The following MYH3 variants were observed in gnomAD, a reference collection of about 807,000 sequenced individuals.
MYH3 encodes the protein myosin heavy chain 3, also known as myosin-3.
MYH3 carries 130 observed loss-of-function variants against 238.0 expected under a neutral mutation model. The ratio of observed to expected loss-of-function variants is 0.55; its 90% CI spans 0.47 to 0.63. The LOEUF (loss-of-function observed/expected upper bound fraction) is 0.63, where lower values mean the gene tolerates loss of function less well. MYH3 is among the 30% of genes least tolerant of loss of function. The probability of loss-of-function intolerance (pLI) is 0.00; values close to 1 mark genes in which losing one functional copy is unlikely to be tolerated. For synonymous variants in MYH3, 880 were observed against 924.1 expected (o/e 0.95, Z 0.86); for missense variants, 1,853 against 2,374.9 (o/e 0.78, Z 4.57).
intron 38 of MYH3, 57 bp from the exon 39 acceptor site, chr17:10,629,994 C>T (rs1338292647): frequency 6.2e-7 from 1 of 1,606,358 alleles, no homozygotes; most frequent in Non-Finnish European, 8.5e-7. Flanking sequence ...TTGCACACGG[C>T]ATGGGCAGCT....
intron 27 of MYH3, 36 bp downstream of exon 27, chr17:10,638,007 T>C (rs1340373368): frequency 2.5e-6 from 4 of 1,614,062 alleles, no homozygotes; most frequent in East Asian, 4.5e-5. Flanking sequence ...GTGTGTCTGA[T>C]GGAAAGCCTT....
At position 10,645,703 on chromosome 17, in the gene MYH3, G is replaced by A. The variant is rs977910901; in HGVS notation, c.1141+4C>T. The A allele has an allele frequency of 6.2e-7, 1 of 1,612,324 alleles. No homozygotes were observed. The highest frequency in any genetic ancestry group is 8.5e-7 in the Non-Finnish European group (1 of 1,179,974). On this transcript the variant is annotated splice_donor_region_variant and intron_variant, in intron 12 of 40. Coordinates refer to ENST00000583535, the MANE Select transcript of MYH3 (RefSeq NM_002470.4). ...TCTGGTTTGCTGTCACACTGATTTT[G>A]TACCTTCTGTGCCATCCGGCTCGGC...
intron 14 of MYH3, 75 bp downstream of exon 14, chr17:10,644,276 T>A: frequency 6.7e-7 from 1 of 1,492,456 alleles, no homozygotes; most frequent in Non-Finnish European, 9.3e-7. Context: ...CATCTTGCTA[T>A]CTTCCCTTTA....
At chr17:10,631,576 G>A (rs1363380053) in intron 36 of MYH3, 35 bp downstream of exon 36, 9 of 1,613,994 alleles carry the variant, frequency 5.6e-6, no homozygotes, top group African/African-American at 1.3e-5. Flanking sequence ...ATGCAATCCC[G>A]GCAGCCCGAG....
chr17:10,653,575 G>A (rs3815012), intron 3 of MYH3, among the ~76,000 whole-genome samples: 86,919 of 151,992 alleles, frequency 0.57, 27,747 homozygotes, highest in Non-Finnish European at 0.73. Flanking sequence ...ACTTCTCTCA[G>A]CAGGACAAAC....
At chr17:10,672,400 T>A in the MYH3 span, 3 of 152,232 alleles carry the variant, frequency 2.0e-5, no homozygotes, top group Admixed American at 6.5e-5. Context: ...TCTTTCCTCC[T>A]TGGTCTTATT....
At chr17:10,658,853 G>C (rs777526890), upstream of MYH3, 3 of 152,370 alleles carry the variant, frequency 2.0e-5, no homozygotes, top group Admixed American at 6.5e-5. Context: ...ATGTCGTAAA[G>C]GGAGTGGTCC....
At chr17:10,651,855 T>C in intron 4 of MYH3, 187 bp from the exon 5 acceptor site, 1 of 762,764 alleles carries the variant, frequency 1.3e-6, no homozygotes, top group Non-Finnish European at 2.0e-6. Context: ...GCAATTCTCC[T>C]GCCTCAGCCT....
Position 10,634,021 on chromosome 17 carries a change from T to C in MYH3, c.4518A>G (p.Leu1506=). 1 of 1,614,008 alleles carries C rather than the reference T, an allele frequency of 6.2e-7. No homozygotes were observed. Residue 1506 remains leucine (L), a synonymous_variant, in exon 32 of 41, where the codon TTA becomes TTG. Transcript: ENST00000583535. ...LETVKRENKN[L]EQEIADLTEQ... ...AGAGGGTTTCGAATAGCTTACGCTCTAAGTTCTTATTTTCCCGTTTCACAG... is the reference window on the plus strand; with the variant it reads ...AGAGGGTTTCGAATAGCTTACGCTCCAAGTTCTTATTTTCCCGTTTCACAG...
the MYH3 span, among the ~76,000 whole-genome samples, chr17:10,666,358 T>C: frequency 6.6e-6 from 1 of 151,994 alleles, no homozygotes; most frequent in Non-Finnish European, 1.5e-5. Context: ...GGTGGGAGAA[T>C]TGCTTGAGCT....
chr17:10,659,473 TTCC>T (rs1329115579), upstream of MYH3, among the ~76,000 whole-genome samples: 2 of 152,192 alleles, frequency 1.3e-5, no homozygotes, highest in Non-Finnish European at 2.9e-5. Context: ...GTCTGGATCA[TTCC>T]TCCTATCTTA....
At position 10,632,106 on chromosome 17, in the gene MYH3, G is replaced by A. The variant is rs933714819; in HGVS notation, c.4957-90C>T. 10 of 1,418,598 alleles carry A rather than the reference G, an allele frequency of 7.0e-6. No individual in the cohort carries two copies. In the African/African-American group the frequency reaches 1.4e-4, roughly 21 times the overall value. 87.9% of individuals were successfully genotyped at this position (1,418,598 alleles called of 1,614,324 possible). ...ATCTCTGAGTTTTGTTTGTTTGTTT[G>A]TTTGTTTTTGTTTTGTTTTGTTTTG... On this transcript the variant is annotated intron_variant, in intron 34 of 40. Coordinates refer to ENST00000583535, the MANE Select transcript of MYH3 (RefSeq NM_002470.4).
chr17:10,636,246 A>C (rs2142391336), intron 28 of MYH3, among the ~76,000 whole-genome samples: 1 of 140,334 alleles, frequency 7.1e-6, no homozygotes, highest in Non-Finnish European at 1.5e-5. Flanking sequence ...ACTGGAACCC[A>C]GGAGGTGGAG....
At chr17:10,662,052 C>T (rs921933642), upstream of MYH3, among the ~76,000 whole-genome samples, 3 of 151,558 alleles carry the variant, frequency 2.0e-5, no homozygotes, top group African/African-American at 7.3e-5. Context: ...GACAGGGTCT[C>T]ACTCTGTCAC....
Position 10,633,623 on chromosome 17 carries a change from C to G in MYH3, c.4615G>C (p.Ala1539Pro), listed in dbSNP as rs888336601. 5 of 1,613,824 alleles carry G rather than the reference C, an allele frequency of 3.1e-6. No individual in the cohort carries two copies. The highest frequency in any genetic ancestry group is 4.2e-6 in the Non-Finnish European group (5 of 1,179,936). ...TCCTCGAGAGCCAGCTGGATATCAGCCTTTTCCAGCTCAATCTGCTTTCTT... is the reference window on the plus strand; with the variant it reads ...TCCTCGAGAGCCAGCTGGATATCAGGCTTTTCCAGCTCAATCTGCTTTCTT... ...KSRKQIELEK[A>P]DIQLALEEAE... is the part of the protein sequence containing the mutation. The change falls in exon 33 of 41, where the codon GCT becomes CCT. Residue 1539 changes from alanine (A) to proline (P), a missense_variant. Physicochemically the swap from Ala to Pro is conservative, Grantham distance 27. Coordinates refer to ENST00000583535, the MANE Select transcript of MYH3 (RefSeq NM_002470.4).
Position 10,634,168 on chromosome 17 carries a change from C to T in MYH3, c.4371G>A (p.Trp1457Ter). The change falls in exon 32 of 41, where the codon TGG becomes TGA. Residue 1457 changes from tryptophan (W) to a stop codon, truncating the protein, a stop_gained. Coordinates refer to ENST00000583535, the MANE Select transcript of MYH3 (RefSeq NM_002470.4). LOFTEE classifies it high-confidence loss of function. ...QRNFDKVLAE[W>*]KTKCEESQAE... ...CTTGGCTCTCCTCACACTTTGTCTT[C>T]CACTCTGCCAACACCTGAAACACCG... 5 of 1,614,194 alleles carry T rather than the reference C, an allele frequency of 3.1e-6. No individual in the cohort carries two copies. Among genetic ancestry groups the T allele is most frequent in the Non-Finnish European group, 4.2e-6 (5 of 1,180,040 alleles).
rs1318411085 is a variant in MYH3, at chr17:10,644,608, A to G, written c.1236T>C (p.Val412=). Residue 412 remains valine, a synonymous_variant, in exon 13 of 41, where the codon GTT becomes GTC. Coordinates refer to ENST00000583535, the MANE Select transcript of MYH3 (RefSeq NM_002470.4). ...FPRVKVGNEY[V]TKGQTVDQVH... is the part of the protein sequence containing the mutation. The stretch of plus-strand genomic sequence containing the variant: ...CCTGATCCACAGTTTGACCTTTGGT[A>G]ACGTACTCATTCCCAACTTTCACTC... 1 of 1,614,182 alleles carries G rather than the reference A, an allele frequency of 6.2e-7. No individual in the cohort carries two copies. Among genetic ancestry groups the G allele is most frequent in the Admixed American group, 1.7e-5 (1 of 60,024 alleles).
the MYH3 span, among the ~76,000 whole-genome samples, chr17:10,668,577 T>G: frequency 1.3e-5 from 2 of 152,152 alleles, no homozygotes; most frequent in East Asian, 3.9e-4. Context: ...GGGGACAAAT[T>G]GAAGAAATTT....
chr17:10,634,323 T>A, intron 31 of MYH3, 141 bp from the exon 32 acceptor site: 1 of 967,142 alleles, frequency 1.0e-6, no homozygotes, highest in Non-Finnish European at 1.6e-6. Context: ...ATTATTGGGC[T>A]AATCAAGATT....
Sources: allele counts gnomAD v4.1 joint callset (sites outside exome capture counted in the v4.1 genomes callset), GRCh38; gene constraint gnomAD v4.1.1; transcripts MANE v1.5; gene names NCBI Gene and HGNC (gene_info 2026-07-23, HGNC 2026-07-21).